The following PCGF3 variants were observed in gnomAD, a reference collection of about 807,000 sequenced individuals.
PCGF3 encodes the protein polycomb group ring finger 3, also known as polycomb group RING finger protein 3.
Under a neutral mutation model 33.1 loss-of-function variants are expected in PCGF3, and 7 were observed. The observed-to-expected ratio is 0.21, with a 90% CI of 0.12 to 0.40. The LOEUF is 0.40. Ranked by LOEUF, PCGF3 falls within the 10% of genes least tolerant of loss-of-function variation. The pLI is 1.00. For missense variants in PCGF3, 211 were observed against 313.3 expected (o/e 0.67, Z 2.46); for synonymous variants, 153 against 121.3 (o/e 1.26, Z -1.72).
At chr4:729,969 T>G (rs1363317637) in intron 1 of PCGF3, among the ~76,000 whole-genome samples, 2 of 152,078 alleles carry the variant, frequency 1.3e-5, no homozygotes, top group Non-Finnish European at 2.9e-5. Context: ...GCAGCCACCC[T>G]GATGCCCCAT....
chr4:761,611 G>A (rs1315914880), intron 9 of PCGF3, 195 bp downstream of exon 9: 13 of 963,276 alleles, frequency 1.3e-5, no homozygotes, highest in Middle Eastern at 5.3e-4. Flanking sequence ...CCCAGAGACA[G>A]GGAACGTGGA....
chr4:753,920 C>T (rs771046882), intron 8 of PCGF3, among the ~76,000 whole-genome samples: 24 of 152,126 alleles, frequency 1.6e-4, no homozygotes, highest in African/African-American at 3.9e-4. Context: ...GTAACAAGAG[C>T]GAGACTCTGA....
At chr4:735,702 C>G (rs1239688166) in intron 5 of PCGF3, among the ~76,000 whole-genome samples, 1 of 152,244 alleles carries the variant, frequency 6.6e-6, no homozygotes, top group Non-Finnish European at 1.5e-5. Flanking sequence ...AGCAGATGGT[C>G]CTGGGGCCCT....
intron 10 of PCGF3, 102 bp downstream of exon 10, chr4:765,166 G>A (rs1207366328): frequency 6.4e-6 from 5 of 782,998 alleles, no homozygotes; most frequent in African/African-American, 1.7e-5. Context: ...GGGTGCAGTG[G>A]CTCATGCCTG....
intron 6 of PCGF3, among the ~76,000 whole-genome samples, chr4:742,122 C>G (rs753215979): frequency 5.3e-5 from 8 of 151,886 alleles, no homozygotes; most frequent in Non-Finnish European, 1.2e-4. Context: ...GGGTCCCCTC[C>G]TCTCTCTGCC....
chr4:731,155 G>A (rs928763412), intron 3 of PCGF3, 45 bp downstream of exon 3: 4 of 398,496 alleles, frequency 1.0e-5, no homozygotes, highest in African/African-American at 8.2e-5. Context: ...CTGACTCCTT[G>A]CCCTGCCCTG....
rs532277742 is a variant in PCGF3, at chr4:721,784, C to T, written c.-189-8846C>T. Among the ~76,000 whole-genome samples, 8 of 98,244 alleles carry T rather than the reference C, an allele frequency of 8.1e-5. No individual in the cohort carries two copies. Among genetic ancestry groups the T allele is most frequent in the Admixed American group, 2.1e-4 (2 of 9,592 alleles). 64.5% of individuals were successfully genotyped at this position (98,244 alleles called of 152,430 possible). On this transcript the variant is annotated intron_variant, in intron 1 of 10. Transcript: ENST00000362003. The surrounding 1 kb of genome is among the most constrained non-coding windows in gnomAD (Gnocchi z 4.1). ...TGGGAGGTGGATGGGTTGGGTGGCT[C>T]TGTGTATGGGCATGGGGAGGGGCCT... is the stretch of plus-strand genomic sequence containing the variant.
chr4:767,639 T>C (rs983758568), exon 11 of PCGF3: 2 of 152,232 alleles, frequency 1.3e-5, no homozygotes, highest in East Asian at 3.8e-4. Flanking sequence ...AAAACATGCA[T>C]ATTAATTCCA....
At chr4:733,417 G>T (rs564431626) in intron 3 of PCGF3, among the ~76,000 whole-genome samples, 24 of 152,250 alleles carry the variant, frequency 1.6e-4, no homozygotes, top group Non-Finnish European at 2.9e-4. Flanking sequence ...AGGAGGGGGT[G>T]TTGGGCACAG....
At chr4:758,603 T>G (rs1744895625) in intron 8 of PCGF3, among the ~76,000 whole-genome samples, 1 of 122,348 alleles carries the variant, frequency 8.2e-6, no homozygotes, top group Non-Finnish European at 1.7e-5. Context: ...TTCTTCTCCA[T>G]CCCGACTCCA....
At chr4:743,653 G>C (rs1448246647) in intron 7 of PCGF3, 69 bp downstream of exon 7, 1 of 900,738 alleles carries the variant, frequency 1.1e-6, no homozygotes, top group Admixed American at 2.0e-5. Flanking sequence ...TTAAAGAGCT[G>C]GCGCTGTCTG....
In PCGF3 at chr4:744,637, C is replaced by A. The variant is rs1285667043; in HGVS notation, c.411C>A (p.Ala137=). ...CAGACGACAGTTCAAACAAAGAGGC[C>A]GCGGAGGAGAAGCCGGAGGAGGACA... Residue 137 remains alanine (A), a synonymous_variant, in exon 8 of 11, where the codon GCC becomes GCA. Transcript: ENST00000362003. 3 of 1,562,036 alleles carry A rather than the reference C, an allele frequency of 1.9e-6. No individual in the cohort carries two copies. In the East Asian group the frequency reaches 7.2e-5, roughly 37 times the overall value.
At chr4:761,564 G>C (rs1745059523) in intron 9 of PCGF3, 148 bp downstream of exon 9, 1 of 1,367,248 alleles carries the variant, frequency 7.3e-7, no homozygotes, top group African/African-American at 1.5e-5. Context: ...CTTCACCGGG[G>C]AGCGGGATAG....
rs1036625101 is a variant in PCGF3, at chr4:720,459, C to T, written c.-189-10171C>T. Among the ~76,000 whole-genome samples the T allele has an allele frequency of 3.9e-5, 6 of 152,152 alleles. No homozygotes were observed. Among genetic ancestry groups the T allele is most frequent in the Admixed American group, 6.5e-5 (1 of 15,286 alleles). ...TCCAGAGAGGTGCAGGGTCTCTTGT[C>T]AGGTGGACAGGGGCTGGCCCACCCG... On this transcript the variant is annotated intron_variant, in intron 1 of 10. Transcript: ENST00000362003. The surrounding 1 kb of genome is among the most constrained non-coding windows in gnomAD (Gnocchi z 5.6).
At chr4:763,675 C>T (rs1745195121) in intron 9 of PCGF3, among the ~76,000 whole-genome samples, 1 of 152,206 alleles carries the variant, frequency 6.6e-6, no homozygotes, top group Admixed American at 6.5e-5. Flanking sequence ...ACACGAAACA[C>T]ACTCTCGGCA....
intron 8 of PCGF3, among the ~76,000 whole-genome samples, chr4:755,904 C>T (rs1004662745): frequency 9.2e-4 from 80 of 87,192 alleles, no homozygotes; most frequent in African/African-American, 3.6e-3. Flanking sequence ...CAGAATTGTC[C>T]TTTTTTTTTT....
chr4:760,406 C>T (rs1744984939), intron 8 of PCGF3, among the ~76,000 whole-genome samples: 1 of 151,230 alleles, frequency 6.6e-6, no homozygotes. Context: ...CTGTCCTCGG[C>T]TGAGAAGAAT....
rs185022393 is a variant in PCGF3, at chr4:724,336, A to T, written c.-189-6294A>T. On this transcript the variant is annotated intron_variant, in intron 1 of 10. Coordinates refer to ENST00000362003, the Ensembl canonical transcript of PCGF3. ...GCCATGCCAGCCAGGTCAGGGGCTC[A>T]GTCCTGTGGGCCACCACAGCCGGCC... 6.5e-4 allele frequency among the ~76,000 whole-genome samples: 99 copies of T among 152,314 alleles called. 1 individual carries two copies. In the East Asian group the frequency reaches 0.018, roughly 28 times the overall value.
intron 1 of PCGF3, among the ~76,000 whole-genome samples, chr4:719,919 CG>C (rs1167993181): frequency 6.6e-6 from 1 of 152,104 alleles, no homozygotes; most frequent in Non-Finnish European, 1.5e-5. Flanking sequence ...ACTCTCCGGA[CG>C]ATGGGAACGA....
Sources: allele counts gnomAD v4.1 joint callset (sites outside exome capture counted in the v4.1 genomes callset), GRCh38; gene constraint gnomAD v4.1.1; non-coding constraint Gnocchi (gnomAD v3.1); transcripts MANE v1.5; gene names NCBI Gene and HGNC (gene_info 2026-07-23, HGNC 2026-07-21).